Variants in RNF125 observed in about 807,000 individuals in gnomAD.
RNF125 encodes E3 ubiquitin-protein ligase RNF125.
Under a neutral mutation model 26.0 loss-of-function variants are expected in RNF125, and 21 were observed. That is an observed-to-expected ratio of 0.81 (90% CI 0.57 to 1.16). The LOEUF (loss-of-function observed/expected upper bound fraction) is 1.16. RNF125 is among the 50% of genes most tolerant of loss of function. The probability of loss-of-function intolerance (pLI) is 0.00; values close to 1 mark genes in which losing one functional copy is unlikely to be tolerated. For synonymous variants in RNF125, 95 were observed against 109.2 expected, an observed-to-expected ratio of 0.87 and a Z score of 0.81; for missense variants, 270 against 299.4, an observed-to-expected ratio of 0.90 and a Z score of 0.72.
chr18:32,060,028 C>G (rs940998472), intron 4 of RNF125, among the ~76,000 whole-genome samples: 1 of 152,138 alleles, frequency 6.6e-6, no homozygotes, highest in Non-Finnish European at 1.5e-5. Flanking sequence ...TCAATTTGGT[C>G]ATTTGTAAAA....
chr18:32,044,516 G>A (rs2039249470), intron 3 of RNF125, among the ~76,000 whole-genome samples: 1 of 151,958 alleles, frequency 6.6e-6, no homozygotes, highest in African/African-American at 2.4e-5. Flanking sequence ...AATTCAGCGT[G>A]TATCTTATAC....
the RNF125 span, among the ~76,000 whole-genome samples, chr18:32,090,532 A>G: frequency 7.2e-5 from 11 of 152,342 alleles, no homozygotes; most frequent in East Asian, 5.8e-4. Flanking sequence ...CTAGGAATCA[A>G]TGCTTTTGAG....
chr18:32,067,576 A>G, intron 5 of RNF125, among the ~76,000 whole-genome samples: 1 of 152,200 alleles, frequency 6.6e-6, no homozygotes, highest in East Asian at 1.9e-4. Context: ...CTGTATTTTT[A>G]TCTTCATTTA....
downstream of RNF125, among the ~76,000 whole-genome samples, chr18:32,076,954 C>T (rs1332045725): frequency 6.6e-6 from 1 of 152,158 alleles, no homozygotes; most frequent in African/African-American, 2.4e-5. Flanking sequence ...TATTGTTTTA[C>T]TGTAATGTCT....
At chr18:32,088,726 C>T in the RNF125 span, among the ~76,000 whole-genome samples, 1 of 152,156 alleles carries the variant, frequency 6.6e-6, no homozygotes, top group African/African-American at 2.4e-5. Context: ...TCACGAACTC[C>T]TGACCTCAAG....
At chr18:32,088,916 G>A in the RNF125 span, among the ~76,000 whole-genome samples, 2 of 152,164 alleles carry the variant, frequency 1.3e-5, no homozygotes, top group African/African-American at 4.8e-5. Flanking sequence ...ATTCTGGGGG[G>A]GAAAGGTGGT....
At chr18:32,065,181 G>C (rs1317382713) in intron 4 of RNF125, among the ~76,000 whole-genome samples, 2 of 152,128 alleles carry the variant, frequency 1.3e-5, no homozygotes, top group African/African-American at 2.4e-5. Flanking sequence ...GAATAAAGTT[G>C]ACAGTTTATT....
At position 32,057,851 on chromosome 18, in the gene RNF125, CT is replaced by C. The variant is rs148384930; in HGVS notation, c.505-8050del. 9.6e-4 allele frequency among the ~76,000 whole-genome samples: 146 copies of C among 152,234 alleles called. 3 individuals are homozygous for C. In the East Asian group the frequency reaches 0.022, roughly 23 times the overall value. ...AAACATAGATTGCTGGCCTCTGCCC[CT>C]AGAGTGTCTGATAAAATAGGTCTGA... On this transcript the variant is annotated intron_variant, in intron 4 of 5. Transcript: ENST00000217740.
chr18:32,051,694 CT>C (rs71177837), intron 4 of RNF125, among the ~76,000 whole-genome samples: 58 of 117,980 alleles, frequency 4.9e-4, no homozygotes, highest in South Asian at 7.7e-4. Context: ...TATTTTCTTT[CT>C]TTTTTTTTTT....
intron 2 of RNF125, among the ~76,000 whole-genome samples, chr18:32,039,754 T>G (rs1227999028): frequency 6.6e-6 from 1 of 151,326 alleles, no homozygotes; most frequent in African/African-American, 2.4e-5. Context: ...ATCACAAAGA[T>G]TTTGATTTTT....
At chr18:32,025,516 T>C (rs1454657204) in intron 1 of RNF125, among the ~76,000 whole-genome samples, 6 of 151,406 alleles carry the variant, frequency 4.0e-5, no homozygotes, top group Non-Finnish European at 8.8e-5. Flanking sequence ...TACAAGAAAA[T>C]TAGCCAGGGG....
chr18:32,085,081 G>A, the RNF125 span, among the ~76,000 whole-genome samples: 4 of 152,080 alleles, frequency 2.6e-5, no homozygotes, highest in Non-Finnish European at 5.9e-5. Flanking sequence ...ACCACTTTGC[G>A]GCATTTCTTT....
chr18:32,046,379 G>A (rs1046594253), intron 4 of RNF125, among the ~76,000 whole-genome samples: 5 of 151,876 alleles, frequency 3.3e-5, no homozygotes, highest in Non-Finnish European at 5.9e-5. Context: ...GGCAGATCAC[G>A]AGGTCAGGAG....
chr18:32,053,160 C>T (rs879503192), intron 4 of RNF125, among the ~76,000 whole-genome samples: 5 of 152,076 alleles, frequency 3.3e-5, no homozygotes, highest in South Asian at 2.1e-4. Context: ...GTCGGGAGTT[C>T]GAGACCAGCC....
rs987559592 is a variant in RNF125, at chr18:32,069,321, A to G, written c.*937A>G. 5.3e-5 allele frequency: 8 copies of G among 152,178 alleles called. No homozygotes were observed. Among genetic ancestry groups the G allele is most frequent in the Admixed American group, 3.3e-4 (5 of 15,270 alleles). The allele number at this position is 152,178 out of a possible 1,614,324, so 9.4% of individuals were successfully genotyped here. A position where few individuals can be genotyped will look rare whatever the true frequency, so the allele number is the denominator to read the frequency against. On this transcript the variant is annotated 3_prime_UTR_variant, in exon 6 of 6. Transcript: ENST00000217740. ...GACTTTTTATAACTGCATACATAAGAATTCAATATTTTTCAAATATTTATA... is the reference window on the plus strand; with the variant it reads ...GACTTTTTATAACTGCATACATAAGGATTCAATATTTTTCAAATATTTATA...
At chr18:32,040,910 A>G (rs1054806156) in intron 2 of RNF125, among the ~76,000 whole-genome samples, 8 of 152,226 alleles carry the variant, frequency 5.3e-5, no homozygotes, top group African/African-American at 1.4e-4. Context: ...GTGCAGATCA[A>G]TCCTAGTTTT....
intron 3 of RNF125, among the ~76,000 whole-genome samples, chr18:32,043,426 A>G (rs924897713): frequency 1.3e-5 from 2 of 152,248 alleles, no homozygotes; most frequent in South Asian, 4.1e-4. Flanking sequence ...TTCTAAACCT[A>G]AAAGTCTAAA....
intron 4 of RNF125, among the ~76,000 whole-genome samples, chr18:32,064,842 G>A (rs1057171736): frequency 1.3e-5 from 2 of 152,020 alleles, no homozygotes; most frequent in African/African-American, 4.8e-5. Flanking sequence ...CATAATTGTT[G>A]ACCTGGTAAT....
intron 2 of RNF125, 63 bp downstream of exon 2, chr18:32,037,332 T>C: frequency 1.0e-6 from 1 of 992,204 alleles, no homozygotes; most frequent in Non-Finnish European, 1.4e-6. Context: ...AAGTTATCAT[T>C]TCACCTCTGC....
Sources: allele counts gnomAD v4.1 joint callset (sites outside exome capture counted in the v4.1 genomes callset), GRCh38; gene constraint gnomAD v4.1.1; transcripts MANE v1.5; gene names NCBI Gene and HGNC (gene_info 2026-07-23, HGNC 2026-07-21).